The following SLC11A2 variants were observed in gnomAD, a reference collection of about 807,000 sequenced individuals.
The protein encoded by SLC11A2 is solute carrier family 11 member 2, also known as natural resistance-associated macrophage protein 2.
A neutral mutation model predicts 68.0 loss-of-function variants in SLC11A2; 38 were observed. The observed-to-expected ratio is 0.56, with a 90% CI of 0.43 to 0.73. SLC11A2 has a LOEUF of 0.73. SLC11A2 is among the 30% of genes least tolerant of loss of function. SLC11A2 has a pLI of 0.00. For synonymous variants in SLC11A2, 242 were observed against 250.6 expected, an observed-to-expected ratio of 0.97 and a Z score of 0.32; for missense variants, 517 against 690.5, an observed-to-expected ratio of 0.75 and a Z score of 2.82.
downstream of SLC11A2, chr12:50,980,185 C>T (rs1939942239): frequency 3.0e-6 from 1 of 334,280 alleles, no homozygotes; most frequent in South Asian, 2.5e-5. Context: ...GAGATCACAC[C>T]ACTGCACTCC....
At chr12:51,018,409 A>C (rs1205955595) in intron 1 of SLC11A2, among the ~76,000 whole-genome samples, 1 of 151,580 alleles carries the variant, frequency 6.6e-6, no homozygotes, top group African/African-American at 2.4e-5. Flanking sequence ...AAAAACAAAA[A>C]ACACAAAACA....
intron 2 of SLC11A2, 103 bp from the exon 3 acceptor site, chr12:51,008,727 CAA>C: frequency 1.1e-6 from 1 of 875,422 alleles, no homozygotes; most frequent in Admixed American, 1.9e-5. Context: ...TCTAAATGCA[CAA>C]GAGACCAACC....
downstream of SLC11A2, among the ~76,000 whole-genome samples, chr12:50,983,221 C>T (rs574843128): frequency 2.3e-4 from 35 of 152,264 alleles, no homozygotes; most frequent in African/African-American, 8.2e-4. Context: ...GCCATGTTTC[C>T]TAGGCTGGCT....
chr12:50,963,497 A>G, the SLC11A2 span, among the ~76,000 whole-genome samples: 2 of 152,104 alleles, frequency 1.3e-5, no homozygotes, highest in Non-Finnish European at 2.9e-5. Context: ...GTTTTCAGCC[A>G]TCTCCAAGCC....
intron 2 of SLC11A2, 41 bp from the exon 3 acceptor site, chr12:51,008,665 C>A (rs749622999): frequency 6.7e-7 from 1 of 1,489,038 alleles, no homozygotes; most frequent in South Asian, 1.1e-5. Context: ...AAAAAATGAA[C>A]AAAATACACT....
At chr12:51,008,302 GGTGTGTGTGTGTGT>G in intron 3 of SLC11A2, 160 bp downstream of exon 3, 4 of 521,984 alleles carry the variant, frequency 7.7e-6, no homozygotes, top group Non-Finnish European at 1.4e-5. Context: ...ATATAGATGG[GGTGTGTGTGTGTGT>G]GTGTGTGTGT....
At position 51,010,722 on chromosome 12, in the gene SLC11A2, G is replaced by T; in HGVS notation, c.7C>A (p.Leu3Met). 6.2e-7 allele frequency: 1 copy of T among 1,604,440 alleles called. No homozygotes were observed. Among genetic ancestry groups the T allele is most frequent in the Non-Finnish European group, 8.5e-7 (1 of 1,171,258 alleles). MV[L>M]GPEQKMSDDS... ...TCTGACATCTTCTGTTCAGGACCCA[G>T]CACCATGGTGGATACCTGAGTGGCT... Residue 3 changes from leucine (L) to methionine (M), a missense_variant, in exon 2 of 16, where the codon CTG (leucine) becomes ATG (methionine). Transcript: ENST00000262052.
At chr12:51,007,385 A>AGTGCAGTGGCGCG (rs2136295943) in intron 3 of SLC11A2, among the ~76,000 whole-genome samples, 1 of 152,266 alleles carries the variant, frequency 6.6e-6, no homozygotes, top group African/African-American at 2.4e-5. Context: ...CTCAGGCCGG[A>AGTGCAGTGGCGCG]GTGCAGTGGC....
the SLC11A2 span, chr12:50,954,138 T>C: frequency 2.6e-6 from 3 of 1,149,154 alleles, no homozygotes; most frequent in Non-Finnish European, 3.9e-6. Flanking sequence ...AATAACACAA[T>C]GATGCCTTAC....
rs376488972 is a variant in SLC11A2 at position 50,992,924 on chromosome 12, A to G, written c.1083T>C (p.Val361=). ...CAGGCCCAAAGTAACATCCCAGCAC[A>G]ACACCCTGTGAGAGGCCAAGAGGAA... is the stretch of plus-strand genomic sequence containing the variant. The part of the protein sequence containing the change: ...TLAVDIYKGG[V]VLGCYFGPAA... Residue 361 remains valine (V), a synonymous_variant, in exon 12 of 16, where the codon GTT becomes GTC. Coordinates refer to ENST00000262052, the MANE Select transcript of SLC11A2 (RefSeq NM_000617.3). The G allele has an allele frequency of 1.1e-5, 18 of 1,613,900 alleles. No homozygotes were observed. The highest frequency in any genetic ancestry group is 3.3e-5 in the Admixed American group (2 of 59,986).
At chr12:50,964,136 G>A in the SLC11A2 span, among the ~76,000 whole-genome samples, 1 of 147,840 alleles carries the variant, frequency 6.8e-6, no homozygotes, top group Admixed American at 6.7e-5. Flanking sequence ...GTAAATGGAC[G>A]TGGGGAATAG....
At chr12:51,012,277 G>A (rs533948517) in intron 1 of SLC11A2, among the ~76,000 whole-genome samples, 2 of 152,126 alleles carry the variant, frequency 1.3e-5, no homozygotes, top group Non-Finnish European at 2.9e-5. Flanking sequence ...AATTGGGAGG[G>A]AGGATTTTAG....
intron 4 of SLC11A2, 91 bp from the exon 5 acceptor site, chr12:51,004,998 A>G: frequency 2.8e-6 from 4 of 1,453,422 alleles, no homozygotes; most frequent in Non-Finnish European, 3.8e-6. Flanking sequence ...TGAGTGGTAA[A>G]TACTGCATTC....
rs1940565013 is a variant in SLC11A2 at position 50,986,473 on chromosome 12, G to A, written c.*1852C>T. ...TATAACTTTTAAAAGAATACTAGCAGCTTTTACCTAGGCTCCTAAATGCTT... is the reference window on the plus strand; with the variant it reads ...TATAACTTTTAAAAGAATACTAGCAACTTTTACCTAGGCTCCTAAATGCTT... On this transcript the variant is annotated 3_prime_UTR_variant, in exon 16 of 16. Coordinates refer to ENST00000262052, the MANE Select transcript of SLC11A2 (RefSeq NM_000617.3). The A allele has an allele frequency of 7.8e-7, 1 of 1,285,260 alleles. No individual in the cohort carries two copies. The allele number at this position is 1,285,260 out of a possible 1,614,324, so 79.6% of individuals were successfully genotyped here.
chr12:50,971,184 A>C, the SLC11A2 span, among the ~76,000 whole-genome samples: 1 of 147,446 alleles, frequency 6.8e-6, no homozygotes, highest in Non-Finnish European at 1.5e-5. Flanking sequence ...CGAGCCACAG[A>C]CTTTTTATAT....
Position 50,986,883 on chromosome 12 carries a change from G to T in SLC11A2, c.*1442C>A. 1.6e-6 allele frequency: 2 copies of T among 1,287,098 alleles called. No individual in the cohort carries two copies. Among genetic ancestry groups the T allele is most frequent in the Non-Finnish European group, 2.0e-6 (2 of 988,688 alleles). 79.7% of individuals were successfully genotyped at this position (1,287,098 alleles called of 1,614,324 possible). ...CAAGTATCAGTAATAATGCTTTTGG[G>T]GGCTCAGATGAACAGCGAACACCAA... On this transcript the variant is annotated 3_prime_UTR_variant, in exon 16 of 16. Transcript: ENST00000262052.
chr12:50,968,437 C>T, the SLC11A2 span, among the ~76,000 whole-genome samples: 15 of 152,002 alleles, frequency 9.9e-5, no homozygotes, highest in South Asian at 2.7e-3. Flanking sequence ...ATCCGGCTGG[C>T]GTGCAGTGGC....
downstream of SLC11A2, chr12:50,981,700 T>TTA (rs1472070691): frequency 4.8e-6 from 7 of 1,468,856 alleles, no homozygotes; most frequent in Non-Finnish European, 6.5e-6. Context: ...AAAAACATGT[T>TTA]CTTATAGAGT....
intron 15 of SLC11A2, among the ~76,000 whole-genome samples, chr12:50,989,868 T>A (rs1266393884): frequency 1.3e-5 from 2 of 152,214 alleles, no homozygotes; most frequent in East Asian, 3.8e-4. Flanking sequence ...GTAGCCATTC[T>A]CTGCAGCAAA....
Sources: allele counts gnomAD v4.1 joint callset (sites outside exome capture counted in the v4.1 genomes callset), GRCh38; gene constraint gnomAD v4.1.1; transcripts MANE v1.5; gene names NCBI Gene and HGNC (gene_info 2026-07-23, HGNC 2026-07-21).